The following GRIP1 variants were observed in gnomAD, a reference collection of about 807,000 sequenced individuals.
GRIP1 encodes the protein glutamate receptor interacting protein 1.
In GRIP1, 45 loss-of-function variants were observed where a neutral mutation model predicts 129.9. That is an observed-to-expected ratio of 0.35 (90% CI 0.27 to 0.44). GRIP1 has a LOEUF of 0.44. Among genes scored for constraint, GRIP1 ranks in the 20% least tolerant of loss-of-function variants. The probability of loss-of-function intolerance (pLI) is 1.00; values close to 1 mark genes in which losing one functional copy is unlikely to be tolerated. For synonymous variants in GRIP1, 530 were observed against 520.8 expected (o/e 1.02, Z -0.24); for missense variants, 1,196 against 1,396.8 (o/e 0.86, Z 2.29).
intron 7 of GRIP1, among the ~76,000 whole-genome samples, chr12:66,514,017 C>T (rs2060775063): frequency 1.3e-5 from 2 of 152,180 alleles, no homozygotes; most frequent in South Asian, 4.1e-4. Context: ...TCTTCACTGA[C>T]TGCTCTATTT....
intron 15 of GRIP1, 37 bp from the exon 16 acceptor site, chr12:66,406,465 G>T: frequency 6.2e-7 from 1 of 1,605,604 alleles, no homozygotes; most frequent in Non-Finnish European, 8.5e-7. Flanking sequence ...GACTAATGAT[G>T]AGCACTTAAC....
At chr12:66,745,118 C>A (rs1267536137) in intron 1 of GRIP1, among the ~76,000 whole-genome samples, 1 of 151,568 alleles carries the variant, frequency 6.6e-6, no homozygotes, top group East Asian at 2.0e-4. Flanking sequence ...TTCTATGGCT[C>A]CCTGGTGGTA....
intron 1 of GRIP1, among the ~76,000 whole-genome samples, chr12:66,653,934 C>A (rs2032975346): frequency 6.6e-6 from 1 of 152,136 alleles, no homozygotes; most frequent in African/African-American, 2.4e-5. Flanking sequence ...TTCACAGCCT[C>A]AGAGAACAGA....
intron 23 of GRIP1, among the ~76,000 whole-genome samples, chr12:66,356,921 A>G (rs1314102495): frequency 6.6e-6 from 1 of 152,074 alleles, no homozygotes; most frequent in Non-Finnish European, 1.5e-5. Flanking sequence ...CCCAGGCAGG[A>G]GTGCAGTGGC....
rs571151052 is a variant in GRIP1 at position 66,755,389 on chromosome 12, A to G, written c.-420+48664T>C. ...TTACATTCATGCTCTACATCCAGCC[A>G]GGTGGTCACCATACAGTGGTTTCTA... On this transcript the variant is annotated intron_variant, in intron 1 of 4. Transcript: ENST00000538373. Among the ~76,000 whole-genome samples the G allele has an allele frequency of 1.2e-4, 19 of 152,356 alleles. 2 individuals are homozygous for G. The highest frequency in any genetic ancestry group is 3.4e-3 in the Middle Eastern group (1 of 294).
intron 20 of GRIP1, 29 bp from the exon 21 acceptor site, chr12:66,377,314 G>A (rs762332094): frequency 7.1e-6 from 10 of 1,416,138 alleles, no homozygotes; most frequent in Middle Eastern, 1.8e-4. Context: ...GGCTGGGTTA[G>A]GAACTTGCCA....
chr12:66,473,204 C>T (rs1031636564), intron 7 of GRIP1, among the ~76,000 whole-genome samples: 1 of 152,158 alleles, frequency 6.6e-6, no homozygotes, highest in Non-Finnish European at 1.5e-5. Flanking sequence ...GTAAACAAAG[C>T]CACTGGGAGG....
At chr12:66,797,073 T>G (rs2038719759) in intron 1 of GRIP1, among the ~76,000 whole-genome samples, 1 of 152,102 alleles carries the variant, frequency 6.6e-6, no homozygotes, top group African/African-American at 2.4e-5. Flanking sequence ...TATGTAATAG[T>G]TAGTGAGATA....
chr12:66,406,010 T>C (rs900148416), intron 16 of GRIP1, among the ~76,000 whole-genome samples: 35 of 152,242 alleles, frequency 2.3e-4, no homozygotes, highest in African/African-American at 8.2e-4. Context: ...TTCACTGTAT[T>C]AGATGATGAT....
intron 8 of GRIP1, 137 bp from the exon 9 acceptor site, chr12:66,463,230 A>T: frequency 1.3e-6 from 1 of 761,946 alleles, no homozygotes; most frequent in Non-Finnish European, 2.2e-6. Context: ...GTGTTATAGG[A>T]AACACCATCT....
intron 1 of GRIP1, among the ~76,000 whole-genome samples, chr12:66,781,934 A>G (rs1282674994): frequency 3.3e-5 from 5 of 152,208 alleles, no homozygotes; most frequent in Admixed American, 2.6e-4. Context: ...AAATATACCA[A>G]TGGAAATGAC....
intron 1 of GRIP1, among the ~76,000 whole-genome samples, chr12:66,830,831 A>T (rs1398377073): frequency 1.9e-4 from 26 of 139,056 alleles, no homozygotes; most frequent in Non-Finnish European, 3.1e-5. Context: ...TGGTATCTGA[A>T]TTTTTTTTTT....
chr12:66,529,945 A>C (rs769039385), intron 4 of GRIP1, 31 bp from the exon 5 acceptor site: 1 of 1,248,530 alleles, frequency 8.0e-7, no homozygotes, highest in Non-Finnish European at 1.2e-6. Flanking sequence ...AGGAAATATA[A>C]CTTGTAAGTC....
intron 15 of GRIP1, among the ~76,000 whole-genome samples, chr12:66,408,374 G>T (rs1337225609): frequency 1.3e-5 from 2 of 152,168 alleles, no homozygotes; most frequent in African/African-American, 4.8e-5. Flanking sequence ...AGCTATTCGG[G>T]AGGCTGAGGC....
chr12:66,827,363 G>GGTGTGT lies in GRIP1; in HGVS notation c.59-230442_59-230437dup, dbSNP rs34267289. On this transcript the variant is annotated intron_variant, in intron 1 of 1. Transcript: ENST00000643019. The stretch of plus-strand genomic sequence containing the variant: ...GAGGTTGCTCACTTACTCAAAACCA[G>GGTGTGT]GTGTGTGTGTGTGTGTGTGTGTGTG... Among the ~76,000 whole-genome samples the GGTGTGT allele has an allele frequency of 7.7e-3, 1,061 of 137,864 alleles. 18 individuals carry two copies. Among genetic ancestry groups the GGTGTGT allele is most frequent in the East Asian group, 0.041 (182 of 4,484 alleles). 90.4% of individuals were successfully genotyped at this position (137,864 alleles called of 152,430 possible).
chr12:66,617,484 T>C (rs1333117608), intron 1 of GRIP1, among the ~76,000 whole-genome samples: 1 of 151,990 alleles, frequency 6.6e-6, no homozygotes, highest in African/African-American at 2.4e-5. Flanking sequence ...CTTCATCACA[T>C]TCTCTCTTTA....
intron 7 of GRIP1, among the ~76,000 whole-genome samples, chr12:66,498,480 AT>A (rs774273780): frequency 3.5e-4 from 54 of 152,160 alleles, no homozygotes; most frequent in Non-Finnish European, 6.3e-4. Flanking sequence ...TGGCTCTCTT[AT>A]TTTCTACCTG....
chr12:66,679,208 C>A (rs750495819), upstream of GRIP1: 28 of 1,154,542 alleles, frequency 2.4e-5, no homozygotes, highest in Non-Finnish European at 3.2e-5. Context: ...AAAGCAGGGA[C>A]GACACTGTGT....
At chr12:67,010,321 T>C (rs1430437935) in intron 1 of GRIP1, among the ~76,000 whole-genome samples, 1 of 152,140 alleles carries the variant, frequency 6.6e-6, no homozygotes, top group African/African-American at 2.4e-5. Context: ...GCAATTCGAG[T>C]TTAGAAAGAC....
Sources: gnomAD v4.1 joint callset for allele counts (sites outside exome capture counted in the v4.1 genomes callset) on GRCh38, gnomAD v4.1.1 for gene constraint, MANE v1.5 for transcripts, NCBI Gene and HGNC (gene_info 2026-07-23, HGNC 2026-07-21) for gene names.